NIPA1: variants seen among roughly 807,000 people sequenced by gnomAD.
NIPA1 encodes the protein NIPA magnesium transporter 1.
Under a neutral mutation model 23.9 loss-of-function variants are expected in NIPA1, and 13 were observed. The observed-to-expected ratio is 0.54, with a 90% CI of 0.35 to 0.87. The LOEUF is 0.87. Among genes scored for constraint, NIPA1 ranks in the 40% least tolerant of loss-of-function variants. NIPA1 has a pLI of 0.01. For synonymous variants in NIPA1, 234 were observed against 202.9 expected (o/e 1.15, Z -1.30); for missense variants, 362 against 429.7 (o/e 0.84, Z 1.39).
intron 1 of NIPA1, 111 bp downstream of exon 1, chr15:22,786,945 C>T (rs112957070): frequency 1.3e-5 from 4 of 311,050 alleles, no homozygotes; most frequent in Admixed American, 6.3e-5. Flanking sequence ...GGTCGGGGCC[C>T]GGGCCCAGGT....
At chr15:22,806,584 A>G (rs1895217617) in intron 1 of NIPA1, among the ~76,000 whole-genome samples, 1 of 80,250 alleles carries the variant, frequency 1.2e-5, no homozygotes, top group African/African-American at 3.3e-4. Context: ...GCAGATTAAT[A>G]GAGGACCGTC....
chr15:22,786,674 G>A lies in NIPA1; in HGVS notation c.18G>A (p.Ala6=). 4.7e-6 allele frequency: 5 copies of A among 1,074,990 alleles called. No individual in the cohort carries two copies. The highest frequency in any genetic ancestry group is 5.6e-6 in the Non-Finnish European group (5 of 893,294). The allele number at this position is 1,074,990 out of a possible 1,614,324, so 66.6% of individuals were successfully genotyped here. A position where few individuals can be genotyped will look rare whatever the true frequency, so the allele number is the denominator to read the frequency against. The stretch of plus-strand genomic sequence containing the variant: ...CGGGCGGAATGGGGACTGCAGCTGC[G>A]GCAGCGGCGGCGGCGGCGGCGGCGG... MGTAA[A]AAAAAAAAAA... is the part of the protein sequence containing the mutation. The change falls in exon 1 of 5, where the codon GCG becomes GCA. Residue 6 remains alanine (A), a synonymous_variant. Coordinates refer to ENST00000337435, the MANE Select transcript of NIPA1 (RefSeq NM_144599.5).
chr15:22,815,719 C>G (rs1895402088), intron 3 of NIPA1, among the ~76,000 whole-genome samples: 1 of 146,244 alleles, frequency 6.8e-6, no homozygotes. Flanking sequence ...GAACAAAATA[C>G]TAACCAGTTG....
At chr15:22,813,974 A>G (rs1014253576) in intron 3 of NIPA1, 67 of 479,630 alleles carry the variant, frequency 1.4e-4, no homozygotes, top group African/African-American at 1.1e-3. Context: ...GGCACATTGA[A>G]TGCACATATA....
Position 22,786,655 on chromosome 15 carries a change from G to A in NIPA1, c.-2G>A. ...CAGGCTCGGAGGGCGGGCGCGGGCG[G>A]AATGGGGACTGCAGCTGCGGCAGCG... is the stretch of plus-strand genomic sequence containing the variant. On this transcript the variant is annotated 5_prime_UTR_variant, in exon 1 of 5. Transcript: ENST00000337435. 9.5e-7 allele frequency: 1 copy of A among 1,052,596 alleles called. No homozygotes were observed. The highest frequency in any genetic ancestry group is 1.1e-6 in the Non-Finnish European group (1 of 870,598). The allele number at this position is 1,052,596 out of a possible 1,614,324, so 65.2% of individuals were successfully genotyped here. A position where few individuals can be genotyped will look rare whatever the true frequency, so the allele number is the denominator to read the frequency against.
chr15:22,792,887 G>A (rs1894862013), intron 1 of NIPA1, among the ~76,000 whole-genome samples: 1 of 151,986 alleles, frequency 6.6e-6, no homozygotes, highest in African/African-American at 2.4e-5. Flanking sequence ...CTGGGAGGCG[G>A]AAGTTTCAGT....
chr15:22,799,698 C>T (rs1407625910), intron 1 of NIPA1, among the ~76,000 whole-genome samples: 3 of 151,300 alleles, frequency 2.0e-5, no homozygotes, highest in African/African-American at 7.3e-5. Context: ...AGGAGAATGG[C>T]GTGAACCCAG....
At position 22,803,477 on chromosome 15, in the gene NIPA1, T is replaced by C. The variant is rs150968980; in HGVS notation, c.179-7272T>C. Among the ~76,000 whole-genome samples, 341 of 151,256 alleles carry C rather than the reference T, an allele frequency of 2.3e-3. 1 individual carries two copies. The highest frequency in any genetic ancestry group is 3.8e-3 in the Non-Finnish European group (256 of 67,840). On this transcript the variant is annotated intron_variant, in intron 1 of 4. Transcript: ENST00000337435. ...GGATTGGAAATATTTTCTCTGTGGC[T>C]TGCCTTTTCATTTTCTTAAAAGTGC...
chr15:22,814,772 G>A (rs1306108966), intron 3 of NIPA1, among the ~76,000 whole-genome samples: 1 of 152,132 alleles, frequency 6.6e-6, no homozygotes, highest in Non-Finnish European at 1.5e-5. Flanking sequence ...AAGGAAACAG[G>A]ATTAAGTATA....
At position 22,820,409 on chromosome 15, in the gene NIPA1, C is replaced by G; in HGVS notation, c.414C>G (p.Ile138Met). 6.2e-7 allele frequency: 1 copy of G among 1,611,938 alleles called. No homozygotes were observed. Among genetic ancestry groups the G allele is most frequent in the South Asian group, 1.1e-5 (1 of 91,050 alleles). Reference sequence around the variant, plus strand: ...GTGCAGGCTCCGTCGTGCTGATTATCCACTCCCCAAAGTCTGAGAGTGTGA... The same window carrying G: ...GTGCAGGCTCCGTCGTGCTGATTATGCACTCCCCAAAGTCTGAGAGTGTGA... ...LSCAGSVVLI[I>M]HSPKSESVTT... Residue 138 changes from isoleucine (I) to methionine (M), a missense_variant, in exon 4 of 5, where the codon ATC (isoleucine) becomes ATG (methionine). Ile to Met is a conservative substitution (Grantham distance 10). Transcript: ENST00000337435.
chr15:22,813,603 T>G (rs1215203447), intron 3 of NIPA1: 2 of 455,530 alleles, frequency 4.4e-6, no homozygotes, highest in Non-Finnish European at 8.8e-6. Context: ...TTCTAACTCA[T>G]GGATACATTG....
At chr15:22,809,637 C>G (rs954176636) in intron 1 of NIPA1, among the ~76,000 whole-genome samples, 1 of 150,922 alleles carries the variant, frequency 6.6e-6, no homozygotes, top group East Asian at 2.0e-4. Context: ...CTCAGCTACT[C>G]GGGAGGCTGA....
At chr15:22,787,028 C>A (rs959053102) in intron 1 of NIPA1, among the ~76,000 whole-genome samples, 194 bp downstream of exon 1, 1 of 151,842 alleles carries the variant, frequency 6.6e-6, no homozygotes, top group East Asian at 1.9e-4. Flanking sequence ...CGCTCGGGCC[C>A]GGGAGCGGCC....
intron 3 of NIPA1, among the ~76,000 whole-genome samples, chr15:22,814,368 AT>A (rs1246175218): frequency 1.3e-5 from 2 of 151,544 alleles, no homozygotes; most frequent in East Asian, 1.9e-4. Context: ...TGCCCGGCTA[AT>A]TTTTTTTGTA....
At chr15:22,807,256 T>C (rs1392685694) in intron 1 of NIPA1, among the ~76,000 whole-genome samples, 1 of 152,216 alleles carries the variant, frequency 6.6e-6, no homozygotes, top group African/African-American at 2.4e-5. Context: ...TACTATGTGA[T>C]GATCAATGTT....
At chr15:22,813,768 T>C (rs1895363164) in intron 3 of NIPA1, 1 of 444,264 alleles carries the variant, frequency 2.3e-6, no homozygotes, top group South Asian at 1.6e-5. Context: ...AGAATGTGTG[T>C]GTGGCACATT....
Position 22,824,481 on chromosome 15 carries a change from A to C in NIPA1, c.*242A>C. 9.7e-6 allele frequency: 5 copies of C among 516,134 alleles called. No individual in the cohort carries two copies. The highest frequency in any genetic ancestry group is 6.6e-5 in the East Asian group (2 of 30,404). The allele number at this position is 516,134 out of a possible 1,614,324, so 32.0% of individuals were successfully genotyped here. ...ATCTCTCTCTGATGAGACGAATCTC[A>C]TTTTCATTTCCATTAACCTGGAAGC... On this transcript the variant is annotated 3_prime_UTR_variant, in exon 5 of 5. Coordinates refer to ENST00000337435, the MANE Select transcript of NIPA1 (RefSeq NM_144599.5). The surrounding 1 kb of genome is among the most constrained non-coding windows in gnomAD (Gnocchi z 4.1).
intron 1 of NIPA1, among the ~76,000 whole-genome samples, chr15:22,799,943 CAAAAAAAAAAAAAAA>C (rs61174589): frequency 2.1e-5 from 1 of 47,012 alleles, no homozygotes; most frequent in Non-Finnish European, 3.7e-5. Context: ...GACCCTGTCT[CAAAAAAAAAAAAAAA>C]AAAAAAAAAA....
intron 1 of NIPA1, among the ~76,000 whole-genome samples, chr15:22,797,065 A>C (rs2140852606): frequency 6.6e-6 from 1 of 151,126 alleles, no homozygotes; most frequent in South Asian, 2.1e-4. Flanking sequence ...TTTTAGATAA[A>C]GTCTCGCTCT....
Sources: gnomAD v4.1 joint callset for allele counts (sites outside exome capture counted in the v4.1 genomes callset) on GRCh38, gnomAD v4.1.1 for gene constraint, Gnocchi (gnomAD v3.1) non-coding constraint, MANE v1.5 for transcripts, NCBI Gene and HGNC (gene_info 2026-07-23, HGNC 2026-07-21) for gene names.